Variants in LIMK2 observed in about 807,000 individuals in gnomAD.
LIMK2 encodes LIM domain kinase 2.
Under a neutral mutation model 75.7 loss-of-function variants are expected in LIMK2, and 35 were observed. The observed-to-expected ratio is 0.46, with a 90% CI of 0.35 to 0.61. LIMK2 has a LOEUF of 0.61. Ranked by LOEUF, LIMK2 falls within the 20% of genes least tolerant of loss-of-function variation. The probability of loss-of-function intolerance (pLI) is 0.00; values close to 1 mark genes in which losing one functional copy is unlikely to be tolerated. For synonymous variants in LIMK2, 301 were observed against 319.2 expected, an observed-to-expected ratio of 0.94 and a Z score of 0.61; for missense variants, 623 against 831.0, an observed-to-expected ratio of 0.75 and a Z score of 3.08.
intron 11 of LIMK2, among the ~76,000 whole-genome samples, chr22:31,270,113 C>T (rs569931422): frequency 6.6e-6 from 1 of 152,312 alleles, no homozygotes; most frequent in East Asian, 1.9e-4. Context: ...AACCTATCAG[C>T]ATCTTCTGGG....
In LIMK2 at chr22:31,262,717, C is replaced by T. The variant is rs142295048; in HGVS notation, c.780C>T (p.Ala260=). The T allele has an allele frequency of 1.1e-4, 173 of 1,614,146 alleles. No individual in the cohort carries two copies. The African/African-American group carries it at 2.0e-3, about 18-fold the overall frequency. The part of the protein sequence containing the change: ...EARLAPHMQN[A]GHPHALSTLD... The stretch of plus-strand genomic sequence containing the variant: ...GGCTCGCTCCTCACATGCAGAATGC[C>T]GGACACCCCCACGCCCTCAGCACCC... Residue 260 remains alanine (A), a synonymous_variant, in exon 7 of 16, where the codon GCC becomes GCT. Coordinates refer to ENST00000331728, the MANE Select transcript of LIMK2 (RefSeq NM_005569.4). This position sits in a 1 kb window ranked among gnomAD's most constrained non-coding sequence, Gnocchi z 5.0.
intron 2 of LIMK2, among the ~76,000 whole-genome samples, chr22:31,257,032 A>T: frequency 9.3e-6 from 1 of 107,354 alleles, no homozygotes; most frequent in African/African-American, 3.0e-5. Context: ...GGGAGAAGGG[A>T]GCTATAGATT....
In LIMK2 at chr22:31,262,056, A is replaced by C; in HGVS notation, c.552-78A>C. 1 of 1,212,842 alleles carries C rather than the reference A, an allele frequency of 8.2e-7. No homozygotes were observed. Among genetic ancestry groups the C allele is most frequent in the Admixed American group, 1.7e-5 (1 of 58,992 alleles). 75.1% of individuals were successfully genotyped at this position (1,212,842 alleles called of 1,614,324 possible). A position where few individuals can be genotyped will look rare whatever the true frequency, so the allele number is the denominator to read the frequency against. On this transcript the variant is annotated intron_variant, in intron 5 of 15. Coordinates refer to ENST00000331728, the MANE Select transcript of LIMK2 (RefSeq NM_005569.4). This position sits in a 1 kb window ranked among gnomAD's most constrained non-coding sequence, Gnocchi z 5.0. ...CCACTGGTGGCCTGGGACCTGGTAA[A>C]CCTTCCCTGCACAAGCAGAATTGGT...
intron 8 of LIMK2, among the ~76,000 whole-genome samples, chr22:31,266,541 G>T (rs555668563): frequency 1.7e-4 from 26 of 152,248 alleles, no homozygotes; most frequent in African/African-American, 4.3e-4. Flanking sequence ...GAACTGGGAG[G>T]GGGGGTCAGG....
Position 31,262,308 on chromosome 22 carries a change from T to G in LIMK2, c.657+69T>G. 4 of 1,252,746 alleles carry G rather than the reference T, an allele frequency of 3.2e-6. No homozygotes were observed. Among genetic ancestry groups the G allele is most frequent in the Non-Finnish European group, 4.7e-6 (4 of 851,874 alleles). The allele number at this position is 1,252,746 out of a possible 1,614,324, so 77.6% of individuals were successfully genotyped here. On this transcript the variant is annotated intron_variant, in intron 6 of 15. Transcript: ENST00000331728. The surrounding 1 kb of genome is among the most constrained non-coding windows in gnomAD (Gnocchi z 5.0). ...ACAGATCCTCTGAGAAATCAGGCTG[T>G]AGCCTTTACCTTTTCCTACCCCCAG...
At chr22:31,236,325 C>T (rs188725788) in intron 2 of LIMK2, among the ~76,000 whole-genome samples, 148 of 143,902 alleles carry the variant, frequency 1.0e-3, no homozygotes, top group African/African-American at 3.6e-3. Context: ...ACTGGAGATA[C>T]AGGCTGGGTG....
chr22:31,275,521 A>C, intron 15 of LIMK2: 1 of 538,052 alleles, frequency 1.9e-6, no homozygotes, highest in Non-Finnish European at 3.3e-6. Context: ...GATAGGACAC[A>C]GAAACACAGC....
chr22:31,224,497 C>T (rs1210193042), intron 1 of LIMK2, among the ~76,000 whole-genome samples: 2 of 152,200 alleles, frequency 1.3e-5, no homozygotes, highest in Non-Finnish European at 2.9e-5. Flanking sequence ...CACCACTTAG[C>T]TAGTCAACCC....
At chr22:31,220,004 A>G (rs973556534) in intron 1 of LIMK2, among the ~76,000 whole-genome samples, 20 of 152,236 alleles carry the variant, frequency 1.3e-4, no homozygotes, top group Non-Finnish European at 7.3e-5. Context: ...TCCCAGGCTG[A>G]CTGGACTTTG....
At chr22:31,251,867 G>A (rs1036027552) in intron 2 of LIMK2, among the ~76,000 whole-genome samples, 7 of 152,092 alleles carry the variant, frequency 4.6e-5, no homozygotes, top group African/African-American at 1.7e-4. Context: ...CTCTCCAGGT[G>A]CCCTCAGGCT....
intron 3 of LIMK2, 101 bp downstream of exon 3, chr22:31,258,527 C>G (rs761475360): frequency 2.2e-5 from 26 of 1,185,582 alleles, no homozygotes; most frequent in Non-Finnish European, 3.1e-5. Context: ...TTTCCATCAG[C>G]CAGGGCATCT....
Position 31,225,773 on chromosome 22 carries a change from A to C in LIMK2, c.70A>C (p.Ile24Leu). ...GCGDHIAPSQIWYRTVNETWH... is the reference protein window; with the variant it reads ...GCGDHIAPSQLWYRTVNETWH... Reference sequence around the variant, plus strand: ...TGGGGACCACATTGCTCCAAGCCAGATATGGTACAGGACTGTCAACGAAAC... The same window carrying C: ...TGGGGACCACATTGCTCCAAGCCAGCTATGGTACAGGACTGTCAACGAAAC... Residue 24 changes from isoleucine to leucine, a missense_variant, in exon 2 of 16, where the codon ATA becomes CTA. Physicochemically the swap from Ile to Leu is conservative, Grantham distance 5. Transcript: ENST00000331728. The C allele has an allele frequency of 6.2e-7, 1 of 1,614,122 alleles. No individual in the cohort carries two copies. The highest frequency in any genetic ancestry group is 8.5e-7 in the Non-Finnish European group (1 of 1,180,006).
intron 2 of LIMK2, among the ~76,000 whole-genome samples, chr22:31,249,959 G>A (rs2048708965): frequency 6.6e-6 from 1 of 152,184 alleles, no homozygotes; most frequent in Admixed American, 6.5e-5. Context: ...GAGGCAACCA[G>A]TTTCAACAGA....
intron 11 of LIMK2, among the ~76,000 whole-genome samples, chr22:31,269,359 C>T (rs1024499748): frequency 1.4e-5 from 2 of 144,380 alleles, no homozygotes; most frequent in Admixed American, 7.2e-5. Flanking sequence ...AACTCCTGGG[C>T]TCAAGCATTC....
At chr22:31,228,157 C>A (rs866200865) in intron 2 of LIMK2, among the ~76,000 whole-genome samples, 9 of 152,232 alleles carry the variant, frequency 5.9e-5, no homozygotes, top group Middle Eastern at 6.8e-3. Context: ...TGGCTCACGC[C>A]TGTAATCCCA....
At chr22:31,252,416 C>T (rs1006827350) in intron 2 of LIMK2, among the ~76,000 whole-genome samples, 1 of 151,956 alleles carries the variant, frequency 6.6e-6, no homozygotes, top group Non-Finnish European at 1.5e-5. Context: ...GTGGTGTGCA[C>T]CTGTAGTCCC....
chr22:31,277,020 C>T (rs1318668213), intron 15 of LIMK2: 1 of 1,613,970 alleles, frequency 6.2e-7, no homozygotes, highest in South Asian at 1.1e-5. Context: ...GTGACGATGC[C>T]TGGGCTTCCA....
chr22:31,224,910 GGCTGCACA>G (rs1210874263), intron 1 of LIMK2, among the ~76,000 whole-genome samples: 1 of 152,238 alleles, frequency 6.6e-6, no homozygotes, highest in African/African-American at 2.4e-5. Flanking sequence ...TTAGGAACCA[GGCTGCACA>G]GCAGGAGGTG....
intron 1 of LIMK2, among the ~76,000 whole-genome samples, chr22:31,220,868 G>A (rs1303872272): frequency 1.3e-5 from 2 of 152,208 alleles, no homozygotes; most frequent in Non-Finnish European, 2.9e-5. Flanking sequence ...GGAGGCTGAG[G>A]CAGGAGAATC....
Sources: gnomAD v4.1 joint callset for allele counts (sites outside exome capture counted in the v4.1 genomes callset) on GRCh38, gnomAD v4.1.1 for gene constraint, Gnocchi (gnomAD v3.1) non-coding constraint, MANE v1.5 for transcripts, NCBI Gene and HGNC (gene_info 2026-07-23, HGNC 2026-07-21) for gene names.